The following MGAT4C variants were observed in gnomAD, a reference collection of about 807,000 sequenced individuals.
MGAT4C encodes the protein alpha-1,3-mannosyl-glycoprotein 4-beta-N-acetylglucosaminyltransferase C.
MGAT4C carries 19 observed loss-of-function variants against 40.1 expected under a neutral mutation model. The ratio of observed to expected loss-of-function variants is 0.47; its 90% CI spans 0.33 to 0.70. The LOEUF (loss-of-function observed/expected upper bound fraction) is 0.70. Among genes scored for constraint, MGAT4C ranks in the 30% least tolerant of loss-of-function variants. The probability of loss-of-function intolerance (pLI) is 0.02; values close to 1 mark genes in which losing one functional copy is unlikely to be tolerated. For missense variants in MGAT4C, 491 were observed against 563.2 expected, an observed-to-expected ratio of 0.87 and a Z score of 1.30; for synonymous variants, 181 against 187.1, an observed-to-expected ratio of 0.97 and a Z score of 0.27.
chr12:86,296,374 C>T (rs1370863251), intron 4 of MGAT4C, among the ~76,000 whole-genome samples: 1 of 152,218 alleles, frequency 6.6e-6, no homozygotes, highest in African/African-American at 2.4e-5. Flanking sequence ...GCAGGTGGAG[C>T]TGCCTGCCAG....
At chr12:86,757,539 T>C (rs1288122073) in intron 1 of MGAT4C, among the ~76,000 whole-genome samples, 2 of 152,156 alleles carry the variant, frequency 1.3e-5, no homozygotes, top group Non-Finnish European at 2.9e-5. Context: ...CATTTCTCCC[T>C]GAGATATCCC....
chr12:86,139,118 T>C (rs963818641), intron 1 of MGAT4C, among the ~76,000 whole-genome samples: 1 of 152,186 alleles, frequency 6.6e-6, no homozygotes, highest in African/African-American at 2.4e-5. Context: ...ATTTTCAAAA[T>C]ATTTTCTTTG....
intron 2 of MGAT4C, among the ~76,000 whole-genome samples, chr12:86,506,765 A>C (rs1407842891): frequency 1.3e-5 from 2 of 152,166 alleles, no homozygotes; most frequent in Non-Finnish European, 2.9e-5. Flanking sequence ...GAGTCCTTTT[A>C]TTTTAGCTTC....
At chr12:86,829,543 A>G (rs1276414021) in intron 1 of MGAT4C, among the ~76,000 whole-genome samples, 1 of 151,558 alleles carries the variant, frequency 6.6e-6, no homozygotes, top group Non-Finnish European at 1.5e-5. Context: ...CAATCTTAGG[A>G]GTATTCTATA....
chr12:86,106,922 C>A (rs928796795), intron 1 of MGAT4C, among the ~76,000 whole-genome samples: 4 of 152,104 alleles, frequency 2.6e-5, no homozygotes, highest in Non-Finnish European at 5.9e-5. Flanking sequence ...CAAGGAGAAT[C>A]AATATACTGC....
At chr12:86,298,074 G>A (rs1277736026) in intron 4 of MGAT4C, among the ~76,000 whole-genome samples, 1 of 152,018 alleles carries the variant, frequency 6.6e-6, no homozygotes, top group Non-Finnish European at 1.5e-5. Context: ...ACAGAAGAGG[G>A]TGTAGGGCAA....
chr12:86,639,618 A>T (rs1221513968), intron 2 of MGAT4C, among the ~76,000 whole-genome samples: 1 of 151,762 alleles, frequency 6.6e-6, no homozygotes, highest in African/African-American at 2.4e-5. Context: ...AGAATAGTTT[A>T]TGCCTATATT....
intron 1 of MGAT4C, among the ~76,000 whole-genome samples, chr12:86,777,263 A>G (rs1485002629): frequency 1.3e-5 from 2 of 152,240 alleles, no homozygotes; most frequent in Admixed American, 6.5e-5. Flanking sequence ...CAAGCTTAAC[A>G]AAATGCTGGA....
intron 4 of MGAT4C, chr12:86,334,018 G>T (rs1194856364): frequency 6.6e-6 from 1 of 152,076 alleles, no homozygotes; most frequent in Non-Finnish European, 1.5e-5. Context: ...TACCAGGACA[G>T]TTATATAGCA....
intron 1 of MGAT4C, among the ~76,000 whole-genome samples, chr12:86,252,458 T>C (rs904732631): frequency 1.3e-5 from 2 of 152,124 alleles, no homozygotes; most frequent in South Asian, 4.1e-4. Flanking sequence ...AACTGATAGG[T>C]TCTACGTATG....
intron 1 of MGAT4C, among the ~76,000 whole-genome samples, chr12:86,787,217 C>T (rs1337615755): frequency 6.6e-6 from 1 of 152,134 alleles, no homozygotes; most frequent in East Asian, 1.9e-4. Context: ...TTGTTTAGCT[C>T]TCACTTATAA....
At chr12:86,590,302 C>T (rs569220571) in intron 2 of MGAT4C, among the ~76,000 whole-genome samples, 5 of 151,314 alleles carry the variant, frequency 3.3e-5, no homozygotes, top group Non-Finnish European at 7.4e-5. Flanking sequence ...AATTATTAGG[C>T]ATGAGACTTA....
intron 4 of MGAT4C, among the ~76,000 whole-genome samples, chr12:86,291,082 T>C (rs1017457309): frequency 6.6e-6 from 1 of 152,124 alleles, no homozygotes; most frequent in Non-Finnish European, 1.5e-5. Context: ...TCAAGCTTGA[T>C]GGTCACAAGC....
chr12:86,806,449 T>TGAGA (rs1555231911), intron 1 of MGAT4C, among the ~76,000 whole-genome samples: 18,323 of 149,840 alleles, frequency 0.12, 1,258 homozygotes, highest in Non-Finnish European at 0.15. Context: ...TGTGTGTGTG[T>TGAGA]GAGAGAGAGA....
chr12:86,204,167 A>T (rs1055513219), intron 1 of MGAT4C, among the ~76,000 whole-genome samples: 1 of 151,816 alleles, frequency 6.6e-6, no homozygotes, highest in Non-Finnish European at 1.5e-5. Flanking sequence ...AAATTCTTCC[A>T]CAAGGAGACC....
At chr12:86,560,227 A>AT (rs1395395016) in intron 2 of MGAT4C, among the ~76,000 whole-genome samples, 2 of 152,060 alleles carry the variant, frequency 1.3e-5, no homozygotes, top group Non-Finnish European at 2.9e-5. Context: ...GATAACATCA[A>AT]TTTTTTTCAG....
intron 2 of MGAT4C, among the ~76,000 whole-genome samples, chr12:86,580,888 A>G (rs1044651669): frequency 1.3e-5 from 2 of 151,480 alleles, no homozygotes; most frequent in Non-Finnish European, 3.0e-5. Flanking sequence ...TATTGGGACA[A>G]CAGATGTACA....
At chr12:86,590,134 G>C (rs914739231) in intron 2 of MGAT4C, among the ~76,000 whole-genome samples, 3 of 151,400 alleles carry the variant, frequency 2.0e-5, no homozygotes, top group Non-Finnish European at 4.4e-5. Context: ...AGTAAAAACA[G>C]AATACATGCA....
intron 3 of MGAT4C, among the ~76,000 whole-genome samples, chr12:86,358,333 A>C (rs541638944): frequency 6.6e-6 from 1 of 152,352 alleles, no homozygotes; most frequent in Non-Finnish European, 1.5e-5. Flanking sequence ...GGAAGCACTA[A>C]ACATGGAAAG....
Sources: allele counts gnomAD v4.1 joint callset (sites outside exome capture counted in the v4.1 genomes callset), GRCh38; gene constraint gnomAD v4.1.1; transcripts MANE v1.5; gene names NCBI Gene and HGNC (gene_info 2026-07-23, HGNC 2026-07-21).